Variants in SLC16A5 observed in about 807,000 individuals in gnomAD.
The protein encoded by SLC16A5 is solute carrier family 16 member 5.
A neutral mutation model predicts 33.2 loss-of-function variants in SLC16A5; 29 were observed. That is an observed-to-expected ratio of 0.87 (90% CI 0.65 to 1.19). The LOEUF (loss-of-function observed/expected upper bound fraction) is 1.19. Among genes scored for constraint, SLC16A5 ranks in the 50% most tolerant of loss-of-function variants. The pLI is 0.00. For synonymous variants in SLC16A5, 248 were observed against 284.1 expected (o/e 0.87, Z 1.28); for missense variants, 606 against 678.2 (o/e 0.89, Z 1.18).
chr17:75,108,375 G>A (rs2073878757), downstream of SLC16A5, among the ~76,000 whole-genome samples: 1 of 152,172 alleles, frequency 6.6e-6, no homozygotes, highest in Admixed American at 6.5e-5. Context: ...GCTTTGGTGA[G>A]GGTCCTGGGG....
At chr17:75,090,460 T>C (rs2073622662) in intron 2 of SLC16A5, 1 of 125,062 alleles carries the variant, frequency 8.0e-6, no homozygotes. Context: ...TTCTTTTCTT[T>C]TCTTTTTTTT....
chr17:75,095,082 A>G (rs2073698812), intron 3 of SLC16A5, among the ~76,000 whole-genome samples: 1 of 152,152 alleles, frequency 6.6e-6, no homozygotes, highest in African/African-American at 2.4e-5. Context: ...GCAGCTGCCC[A>G]TCTCCCCGGC....
At chr17:75,109,817 C>A (rs2145107038), downstream of SLC16A5, 1 of 164,180 alleles carries the variant, frequency 6.1e-6, no homozygotes, top group Admixed American at 6.0e-5. The surrounding 1 kb of genome is among the most constrained non-coding windows in gnomAD (Gnocchi z 5.0). Context: ...CCTGCACCTG[C>A]CTCAGCGAAG....
chr17:75,090,061 C>T (rs12940408), intron 2 of SLC16A5: 11,046 of 151,612 alleles, frequency 0.073, 483 homozygotes, highest in African/African-American at 0.12. Flanking sequence ...GACGTGATCT[C>T]GGCTCAGTGC....
intron 5 of SLC16A5, among the ~76,000 whole-genome samples, chr17:75,101,041 G>A (rs919624831): frequency 6.6e-6 from 1 of 151,956 alleles, no homozygotes; most frequent in East Asian, 1.9e-4. Flanking sequence ...GAGGTCAGGA[G>A]ATCGAGACCA....
chr17:75,104,094 G>C lies in SLC16A5; in HGVS notation c.1278G>C (p.Lys426Asn). The C allele has an allele frequency of 2.5e-6, 4 of 1,614,260 alleles. No individual in the cohort carries two copies. Among genetic ancestry groups the C allele is most frequent in the Non-Finnish European group, 3.4e-6 (4 of 1,180,044 alleles). Residue 426 changes from lysine to asparagine, a missense_variant, in exon 6 of 7, where the codon AAG becomes AAC. Lys to Asn is a moderately conservative substitution (Grantham distance 94, BLOSUM62 0). Transcript: ENST00000329783. Reference sequence around the variant, plus strand: ...CCCTGCAGAAGAAGGAGCAAGGCAAGCAGGCTGTCGCGGCGGATGCCCTGG... The same window carrying C: ...CCCTGCAGAAGAAGGAGCAAGGCAACCAGGCTGTCGCGGCGGATGCCCTGG... ...FYALQKKEQGKQAVAADALER... is the reference protein window; with the variant it reads ...FYALQKKEQGNQAVAADALER...
intron 2 of SLC16A5, chr17:75,093,171 GGGTGC>G: frequency 1.9e-6 from 1 of 535,538 alleles, no homozygotes; most frequent in Non-Finnish European, 3.4e-6. Flanking sequence ...GTGTATCCTT[GGGTGC>G]ATTTGGGGGG....
At chr17:75,098,498 C>G (rs1304813091) in intron 4 of SLC16A5, among the ~76,000 whole-genome samples, 1 of 152,062 alleles carries the variant, frequency 6.6e-6, no homozygotes, top group Admixed American at 6.6e-5. Context: ...GTGGAGGTTG[C>G]AGTGAGCCAA....
At chr17:75,089,956 C>G (rs1004063001) in intron 2 of SLC16A5, 3 of 151,852 alleles carry the variant, frequency 2.0e-5, no homozygotes, top group African/African-American at 7.3e-5. Context: ...TGAAATTACT[C>G]ACTACCTTTG....
chr17:75,092,828 T>TGA (rs201367033), intron 2 of SLC16A5, among the ~76,000 whole-genome samples: 3,656 of 107,020 alleles, frequency 0.034, 62 homozygotes, highest in Admixed American at 0.074. Flanking sequence ...ACTGCGTGTG[T>TGA]GTGTGTGTGT....
At position 75,097,180 on chromosome 17, in the gene SLC16A5, G is replaced by A. The variant is rs1485956217; in HGVS notation, c.200-858G>A. The stretch of plus-strand genomic sequence containing the variant: ...TCACACCACACATCCCCCCTCCACC[G>A]CAGACACACACAAGCATCTCATGCG... On this transcript the variant is annotated intron_variant, in intron 3 of 6. Coordinates refer to ENST00000329783, the MANE Select transcript of SLC16A5 (RefSeq NM_004695.4). Among the ~76,000 whole-genome samples the A allele has an allele frequency of 4.6e-5, 7 of 151,722 alleles. No homozygotes were observed. The East Asian group carries it at 9.7e-4, about 21-fold the overall frequency.
downstream of SLC16A5, among the ~76,000 whole-genome samples, chr17:75,108,591 G>A (rs998612517): frequency 7.4e-5 from 11 of 148,456 alleles, no homozygotes; most frequent in African/African-American, 2.7e-4. Flanking sequence ...TAACAGAGAG[G>A]CTCTCTCAAA....
chr17:75,091,767 G>A (rs1242240497), intron 2 of SLC16A5, among the ~76,000 whole-genome samples: 3 of 152,240 alleles, frequency 2.0e-5, no homozygotes, highest in African/African-American at 4.8e-5. Context: ...GGGATGCGTG[G>A]GCTTCACTGA....
intron 2 of SLC16A5, 123 bp from the exon 3 acceptor site, chr17:75,093,466 T>C: frequency 6.5e-7 from 1 of 1,536,062 alleles, no homozygotes; most frequent in Non-Finnish European, 8.7e-7. Flanking sequence ...GTGGTGCCCC[T>C]CTGTGACACC....
rs911642379 is a variant in SLC16A5 at position 75,091,433 on chromosome 17, C to T, written c.-49+2129C>T. 2.7e-4 allele frequency among the ~76,000 whole-genome samples: 41 copies of T among 152,138 alleles called. 1 individual carries two copies. The highest frequency in any genetic ancestry group is 5.6e-4 in the Non-Finnish European group (38 of 68,018). On this transcript the variant is annotated intron_variant, in intron 2 of 6. Coordinates refer to ENST00000329783, the MANE Select transcript of SLC16A5 (RefSeq NM_004695.4). The stretch of plus-strand genomic sequence containing the variant: ...AGGATCTCTAGCCAGAGGTCGCATG[C>T]AGAGGGCAGGAGGGCAAGCAGTGCT...
At chr17:75,102,031 A>G (rs1239801538) in intron 5 of SLC16A5, among the ~76,000 whole-genome samples, 2 of 152,128 alleles carry the variant, frequency 1.3e-5, no homozygotes, top group Admixed American at 1.3e-4. Context: ...CATCCTGCAG[A>G]GTTTCCTGTA....
At chr17:75,094,751 C>T (rs1266369439) in intron 3 of SLC16A5, among the ~76,000 whole-genome samples, 2 of 151,988 alleles carry the variant, frequency 1.3e-5, no homozygotes, top group African/African-American at 4.8e-5. Flanking sequence ...CCCGGGACTC[C>T]CTGCAGAGAG....
At chr17:75,105,430 C>T in intron 6 of SLC16A5, 1 of 985,418 alleles carries the variant, frequency 1.0e-6, no homozygotes, top group East Asian at 1.1e-4. Context: ...TTTTACTCCC[C>T]ATTCCTGTCC....
Position 75,098,104 on chromosome 17 carries a change from T to C in SLC16A5, c.266T>C (p.Leu89Pro), listed in dbSNP as rs768586186. 6.2e-7 allele frequency: 1 copy of C among 1,611,018 alleles called. No homozygotes were observed. Among genetic ancestry groups the C allele is most frequent in the South Asian group, 1.1e-5 (1 of 90,612 alleles). The change falls in exon 4 of 7, where the codon CTG (leucine) becomes CCG (proline). Residue 89 changes from leucine to proline, a missense_variant. Coordinates refer to ENST00000329783, the MANE Select transcript of SLC16A5 (RefSeq NM_004695.4). ...CRVTVMLGGV[L>P]ASLGMVASSF... is the part of the protein sequence containing the mutation. Reference sequence around the variant, plus strand: ...GTGACCGTGATGCTGGGGGGCGTGCTGGCCAGCCTGGGCATGGTGGCCAGC... The same window carrying C: ...GTGACCGTGATGCTGGGGGGCGTGCCGGCCAGCCTGGGCATGGTGGCCAGC...
Sources: allele counts gnomAD v4.1 joint callset (sites outside exome capture counted in the v4.1 genomes callset), GRCh38; gene constraint gnomAD v4.1.1; non-coding constraint Gnocchi (gnomAD v3.1); transcripts MANE v1.5; gene names NCBI Gene and HGNC (gene_info 2026-07-23, HGNC 2026-07-21).